The following RNF43 variants were observed in gnomAD, a reference collection of about 807,000 sequenced individuals.
The protein encoded by RNF43 is ring finger protein 43.
A neutral mutation model predicts 78.4 loss-of-function variants in RNF43; 37 were observed. That is an observed-to-expected ratio of 0.47 (90% confidence interval 0.36 to 0.62). The LOEUF is 0.62. Among genes scored for constraint, RNF43 ranks in the 20% least tolerant of loss-of-function variants. The probability of loss-of-function intolerance (pLI) is 0.00; values close to 1 mark genes in which losing one functional copy is unlikely to be tolerated. For synonymous variants in RNF43, 347 were observed against 395.0 expected (o/e 0.88, Z 1.44); for missense variants, 774 against 1,007.9 (o/e 0.77, Z 3.14).
rs151001527 is a variant in RNF43, at chr17:58,356,074, C to A, written c.2309-1088G>T. On this transcript the variant is annotated intron_variant, in intron 9 of 9. Transcript: ENST00000407977. ...GTACTGGCAGCACTCAAAGTACACA[C>A]ACAATAGGGTCCGAATGGAATCACA... Among the ~76,000 whole-genome samples, 367 of 152,314 alleles carry A rather than the reference C, an allele frequency of 2.4e-3. 4 individuals carry two copies. Among genetic ancestry groups the A allele is most frequent in the African/African-American group, 8.0e-3 (333 of 41,564 alleles).
At chr17:58,383,284 TTTTG>T (rs1042415708) in intron 2 of RNF43, among the ~76,000 whole-genome samples, 2 of 152,058 alleles carry the variant, frequency 1.3e-5, no homozygotes, top group African/African-American at 2.4e-5. Flanking sequence ...GCCCAAGTTT[TTTTG>T]TTTGTTTTTC....
intron 2 of RNF43, among the ~76,000 whole-genome samples, chr17:58,378,569 G>GA (rs1319325303): frequency 1.3e-5 from 2 of 152,168 alleles, no homozygotes; most frequent in Non-Finnish European, 2.9e-5. Flanking sequence ...TATTTTACCA[G>GA]AAAAGTGTAT....
chr17:58,395,741 T>C (rs187173679), intron 2 of RNF43, among the ~76,000 whole-genome samples: 79 of 152,322 alleles, frequency 5.2e-4, no homozygotes, highest in Non-Finnish European at 7.3e-4. Flanking sequence ...TAGAAACTAC[T>C]TTCTAAACAA....
At chr17:58,400,495 C>T (rs553138491) in intron 2 of RNF43, among the ~76,000 whole-genome samples, 1 of 152,166 alleles carries the variant, frequency 6.6e-6, no homozygotes, top group South Asian at 2.1e-4. Flanking sequence ...CTAACATTTG[C>T]CATTTTCAAA....
chr17:58,412,843 T>C (rs1974049805), intron 2 of RNF43, among the ~76,000 whole-genome samples: 1 of 152,010 alleles, frequency 6.6e-6, no homozygotes, highest in Non-Finnish European at 1.5e-5. Flanking sequence ...TTTAAATCAC[T>C]GTTCTCATAA....
chr17:58,383,360 G>A (rs1430627693), intron 2 of RNF43, among the ~76,000 whole-genome samples: 1 of 151,946 alleles, frequency 6.6e-6, no homozygotes, highest in Non-Finnish European at 1.5e-5. Context: ...TGTAATCATA[G>A]CTCACTGGTG....
At chr17:58,394,542 T>C (rs997597362) in intron 2 of RNF43, among the ~76,000 whole-genome samples, 3 of 152,250 alleles carry the variant, frequency 2.0e-5, no homozygotes, top group Non-Finnish European at 4.4e-5. Context: ...AGAAACCAGA[T>C]AGTTGAACAA....
chr17:58,364,612 C>T lies in RNF43; in HGVS notation c.376-1012G>A, dbSNP rs111900541. Among the ~76,000 whole-genome samples the T allele has an allele frequency of 6.6e-4, 100 of 152,340 alleles. 1 individual carries two copies. Among genetic ancestry groups the T allele is most frequent in the African/African-American group, 2.4e-3 (98 of 41,574 alleles). ...GGGCCTCCCGGCCTAGCACAGCCAC[C>T]CTCCAGCCTTCCTCCCTAGGGCAAA... On this transcript the variant is annotated intron_variant, in intron 3 of 9. Coordinates refer to ENST00000407977, the MANE Select transcript of RNF43 (RefSeq NM_017763.6).
At position 58,358,699 on chromosome 17, in the gene RNF43, C is replaced by A. The variant is rs2143424866; in HGVS notation, c.1077G>T (p.Leu359Phe). The A allele has an allele frequency of 6.5e-7, 1 of 1,542,824 alleles. No individual in the cohort carries two copies. Among genetic ancestry groups the A allele is most frequent in the East Asian group, 2.4e-5 (1 of 41,790 alleles). The stretch of plus-strand genomic sequence containing the variant: ...GAGCCACTGCACTCCGGGAAGGGCC[C>A]AACAGGTAGGCAGCAGGGAGGTGGT... Reference protein sequence around the residue: ...AHYHLPAAYLLGPSRSAVARP... With the variant: ...AHYHLPAAYLFGPSRSAVARP... The change falls in exon 9 of 10, where the codon TTG becomes TTT. Residue 359 changes from leucine (L) to phenylalanine (F), a missense_variant. By Grantham distance (22) the Leu-to-Phe change is conservative. Coordinates refer to ENST00000407977, the MANE Select transcript of RNF43 (RefSeq NM_017763.6). This position sits in a 1 kb window ranked among gnomAD's most constrained non-coding sequence, Gnocchi z 6.2.
chr17:58,388,114 T>C (rs1474727633), intron 2 of RNF43, among the ~76,000 whole-genome samples: 7 of 152,316 alleles, frequency 4.6e-5, no homozygotes, highest in Non-Finnish European at 1.0e-4. Context: ...TATAAATGAG[T>C]TCTTAGGGTA....
At chr17:58,408,860 T>G (rs1377815311) in intron 2 of RNF43, among the ~76,000 whole-genome samples, 1 of 152,200 alleles carries the variant, frequency 6.6e-6, no homozygotes, top group East Asian at 1.9e-4. Context: ...GGAGTAAGTA[T>G]ACTTAGGTGC....
intron 2 of RNF43, among the ~76,000 whole-genome samples, chr17:58,394,241 G>A (rs1157243536): frequency 6.6e-6 from 1 of 152,210 alleles, no homozygotes; most frequent in Non-Finnish European, 1.5e-5. Context: ...TCAGTGGTAA[G>A]TTTGAAAGGT....
rs2143425868 is a variant in RNF43, at chr17:58,358,729, G to T, written c.1047C>A (p.Ala349=). Residue 349 remains alanine (A), a synonymous_variant, in exon 9 of 10, where the codon GCC becomes GCA. Coordinates refer to ENST00000407977, the MANE Select transcript of RNF43 (RefSeq NM_017763.6). The surrounding 1 kb of genome is among the most constrained non-coding windows in gnomAD (Gnocchi z 6.2). ...GGTAGGCAGCAGGGAGGTGGTAGTG[G>T]GCATGGCCGGGATGCTGGCGAATGA... ...LHLIRQHPGH[A]HYHLPAAYLL... The T allele has an allele frequency of 1.3e-6, 2 of 1,558,002 alleles. No individual in the cohort carries two copies. The highest frequency in any genetic ancestry group is 1.2e-5 in the South Asian group (1 of 84,928).
At position 58,360,673 on chromosome 17, in the gene RNF43, G is replaced by T; in HGVS notation, c.849+110C>A. The T allele has an allele frequency of 8.3e-7, 1 of 1,208,776 alleles. No individual in the cohort carries two copies. Among genetic ancestry groups the T allele is most frequent in the East Asian group, 2.5e-5 (1 of 40,758 alleles). The allele number at this position is 1,208,776 out of a possible 1,614,324, so 74.9% of individuals were successfully genotyped here. A position where few individuals can be genotyped will look rare whatever the true frequency, so the allele number is the denominator to read the frequency against. On this transcript the variant is annotated intron_variant, in intron 7 of 9. Coordinates refer to ENST00000407977, the MANE Select transcript of RNF43 (RefSeq NM_017763.6). The surrounding 1 kb of genome is among the most constrained non-coding windows in gnomAD (Gnocchi z 4.3). ...TCTCTGCCTCATGCAGGACACATGG[G>T]AAACAGATGTAGCCAGGGTACCCAT...
At chr17:58,363,464 C>G (rs536391017) in intron 4 of RNF43, 58 bp from the exon 5 acceptor site, 2 of 1,613,214 alleles carry the variant, frequency 1.2e-6, no homozygotes, top group Non-Finnish European at 1.7e-6. Context: ...TTCCCTCTCC[C>G]CTGAGAGCTT....
chr17:58,398,918 G>T (rs1177761530), intron 2 of RNF43, among the ~76,000 whole-genome samples: 2 of 152,182 alleles, frequency 1.3e-5, no homozygotes, highest in African/African-American at 4.8e-5. Context: ...GCTTTGGGAA[G>T]AAAACAGTTT....
At chr17:58,407,197 G>A (rs1022278794) in intron 2 of RNF43, among the ~76,000 whole-genome samples, 2 of 147,580 alleles carry the variant, frequency 1.4e-5, no homozygotes, top group African/African-American at 5.0e-5. Context: ...TCCTGCCTCA[G>A]CCTCCTGAGT....
At chr17:58,393,738 C>T (rs1413642535) in intron 2 of RNF43, among the ~76,000 whole-genome samples, 1 of 152,144 alleles carries the variant, frequency 6.6e-6, no homozygotes, top group Non-Finnish European at 1.5e-5. Context: ...GTGCATTTTA[C>T]TTGGGCAGTG....
intron 2 of RNF43, among the ~76,000 whole-genome samples, chr17:58,400,513 C>T (rs1344813625): frequency 6.6e-6 from 1 of 152,068 alleles, no homozygotes; most frequent in Non-Finnish European, 1.5e-5. Context: ...AAAGGCAACA[C>T]TCATACATTA....
Sources: allele counts gnomAD v4.1 joint callset (sites outside exome capture counted in the v4.1 genomes callset), GRCh38; gene constraint gnomAD v4.1.1; non-coding constraint Gnocchi (gnomAD v3.1); transcripts MANE v1.5; gene names NCBI Gene and HGNC (gene_info 2026-07-23, HGNC 2026-07-21).